Variants in SMCHD1 observed in about 807,000 individuals in gnomAD.
SMCHD1 encodes structural maintenance of chromosomes flexible hinge domain-containing protein 1.
In SMCHD1, 78 loss-of-function variants were observed where a neutral mutation model predicts 254.7. The observed-to-expected ratio is 0.31, with a 90% CI of 0.26 to 0.37. SMCHD1 has a LOEUF of 0.37. Ranked by LOEUF, SMCHD1 falls within the 10% of genes least tolerant of loss-of-function variation. The pLI is 1.00. For missense variants in SMCHD1, 1,840 were observed against 2,408.1 expected (o/e 0.76, Z 4.94); for synonymous variants, 766 against 794.9 (o/e 0.96, Z 0.61).
At chr18:2,666,848 T>G (rs375852278) in intron 2 of SMCHD1, 22 bp from the exon 3 acceptor site, 3 of 1,594,116 alleles carry the variant, frequency 1.9e-6, no homozygotes, top group Non-Finnish European at 1.7e-6. Context: ...CTAGCACTTA[T>G]GATTTTCACT....
intron 44 of SMCHD1, among the ~76,000 whole-genome samples, chr18:2,780,267 G>A (rs72866576): frequency 0.021 from 2,199 of 102,448 alleles, 79 homozygotes; most frequent in East Asian, 0.16. Context: ...AAAAAAAAAA[G>A]GCAATAATAA....
chr18:2,794,289 GC>G (rs2143853744), intron 45 of SMCHD1, among the ~76,000 whole-genome samples: 1 of 152,108 alleles, frequency 6.6e-6, no homozygotes, highest in Non-Finnish European at 1.5e-5. Context: ...GCTCACCTTG[GC>G]CTCCCAAAGG....
At chr18:2,796,178 C>T in intron 46 of SMCHD1, 71 bp downstream of exon 46, 1 of 1,289,770 alleles carries the variant, frequency 7.8e-7, no homozygotes, top group Non-Finnish European at 1.0e-6. Context: ...AGAGAGAATC[C>T]AACCGTAAGA....
chr18:2,659,791 C>T (rs1410351821), intron 1 of SMCHD1, among the ~76,000 whole-genome samples: 1 of 130,198 alleles, frequency 7.7e-6, no homozygotes. Flanking sequence ...AAGCAGAAAA[C>T]TATGGCTTAG....
chr18:2,723,300 T>C (rs2074964036), intron 20 of SMCHD1, among the ~76,000 whole-genome samples: 1 of 152,138 alleles, frequency 6.6e-6, no homozygotes, highest in Non-Finnish European at 1.5e-5. Flanking sequence ...CCTCTACAGA[T>C]ACTCTGTTGT....
At chr18:2,689,612 A>G (rs1033801288) in intron 7 of SMCHD1, among the ~76,000 whole-genome samples, 4 of 152,086 alleles carry the variant, frequency 2.6e-5, no homozygotes, top group African/African-American at 9.7e-5. Context: ...CCTCTGGACT[A>G]GAGTGTAGTG....
intron 25 of SMCHD1, among the ~76,000 whole-genome samples, chr18:2,733,621 C>T (rs1382197656): frequency 6.6e-6 from 1 of 152,096 alleles, no homozygotes; most frequent in Non-Finnish European, 1.5e-5. Flanking sequence ...TCTATGTTGA[C>T]CTAGTTTTTT....
At chr18:2,681,417 A>AG (rs2073922650) in intron 5 of SMCHD1, among the ~76,000 whole-genome samples, 1 of 146,436 alleles carries the variant, frequency 6.8e-6, no homozygotes, top group Non-Finnish European at 1.5e-5. Flanking sequence ...CATCTCAAAA[A>AG]AAAAAAAAAA....
At chr18:2,788,799 T>C (rs1219982754) in intron 45 of SMCHD1, among the ~76,000 whole-genome samples, 1 of 152,114 alleles carries the variant, frequency 6.6e-6, no homozygotes, top group Admixed American at 6.6e-5. Context: ...GGTTTCACCA[T>C]GTTGGCCGGG....
intron 17 of SMCHD1, among the ~76,000 whole-genome samples, chr18:2,711,871 T>C (rs1171213029): frequency 1.3e-5 from 2 of 152,172 alleles, no homozygotes; most frequent in South Asian, 2.1e-4. Flanking sequence ...AAGGGCTTAT[T>C]GTGTGAGTTC....
At position 2,772,324 on chromosome 18, in the gene SMCHD1, G is replaced by A. The variant is rs371834462; in HGVS notation, c.5127G>A (p.Ser1709=). The A allele has an allele frequency of 2.4e-5, 39 of 1,606,524 alleles. No homozygotes were observed. Among genetic ancestry groups the A allele is most frequent in the Non-Finnish European group, 3.1e-5 (36 of 1,177,102 alleles). The change falls in exon 41 of 48, where the codon TCG becomes TCA. Residue 1709 remains serine, a synonymous_variant. Transcript: ENST00000320876. ...QEELKKKPRR[S]CTLPNYTKGS... ...AACTGAAGAAAAAACCTAGAAGATC[G>A]TGTACTCTTCCAAACTATACTAAAG... is the stretch of plus-strand genomic sequence containing the variant.
chr18:2,753,354 C>T (rs1022248938), intron 34 of SMCHD1, among the ~76,000 whole-genome samples: 1 of 152,208 alleles, frequency 6.6e-6, no homozygotes, highest in East Asian at 1.9e-4. Context: ...GAACACACTA[C>T]TATTTTCCAT....
chr18:2,707,754 G>C, intron 16 of SMCHD1, 53 bp from the exon 17 acceptor site: 1 of 1,524,732 alleles, frequency 6.6e-7, no homozygotes, highest in South Asian at 1.2e-5. Flanking sequence ...AGATTTGGCA[G>C]ATTCAGCAAA....
chr18:2,674,080 T>A lies in SMCHD1; in HGVS notation c.573T>A (p.Ser191=), dbSNP rs1208530979. 6.2e-7 allele frequency: 1 copy of A among 1,604,756 alleles called. No individual in the cohort carries two copies. Among genetic ancestry groups the A allele is most frequent in the East Asian group, 2.2e-5 (1 of 44,786 alleles). The change falls in exon 5 of 48, where the codon TCT becomes TCA. Residue 191 remains serine (S), a synonymous_variant. Coordinates refer to ENST00000320876, the MANE Select transcript of SMCHD1 (RefSeq NM_015295.3). ...TAGATAATGGAAGAGGAATGACCTC[T>A]AAACAGCTTAACAACTGGGCCGTGT... ...AVIDNGRGMT[S]KQLNNWAVYR... is the part of the protein sequence containing the mutation.
At chr18:2,682,050 C>T (rs1192031035) in intron 5 of SMCHD1, among the ~76,000 whole-genome samples, 1 of 152,170 alleles carries the variant, frequency 6.6e-6, no homozygotes. Flanking sequence ...ACGTTTGTAA[C>T]ATCTAAGCAC....
rs528234259 is a variant in SMCHD1 at position 2,728,947 on chromosome 18, T to C, written c.2914-328T>C. 1.1e-3 allele frequency: 105 copies of C among 95,222 alleles called. No individual in the cohort carries two copies. The Admixed American group carries it at 0.016, about 14-fold the overall frequency. 5.9% of individuals were successfully genotyped at this position (95,222 alleles called of 1,614,324 possible). ...GTAGCCATTCTTTATTCCTTTACTT[T>C]AGGGAAAAAAAAAAAAAGGGAATGA... On this transcript the variant is annotated intron_variant, in intron 23 of 47. Transcript: ENST00000320876.
intron 44 of SMCHD1, 59 bp from the exon 45 acceptor site, chr18:2,784,391 C>T: frequency 2.9e-6 from 4 of 1,378,688 alleles, no homozygotes; most frequent in South Asian, 1.4e-5. Flanking sequence ...ATTATTTCTC[C>T]TTTTTTGGAG....
At chr18:2,728,415 TTGAAACCTGAATA>T in intron 22 of SMCHD1, 29 bp from the exon 23 acceptor site, 1 of 1,593,550 alleles carries the variant, frequency 6.3e-7, no homozygotes. Context: ...ACTTTAGTCT[TTGAAACCTGAATA>T]TGTATTTCAT....
rs759534379 is a variant in SMCHD1 at position 2,705,644 on chromosome 18, C to A, written c.1843-50C>A. The A allele has an allele frequency of 3.8e-5, 34 of 885,110 alleles. 2 individuals carry two copies. The South Asian group carries it at 5.3e-4, about 14-fold the overall frequency. 54.8% of individuals were successfully genotyped at this position (885,110 alleles called of 1,614,324 possible). A position where few individuals can be genotyped will look rare whatever the true frequency, so the allele number is the denominator to read the frequency against. On this transcript the variant is annotated intron_variant, in intron 13 of 47. Coordinates refer to ENST00000320876, the MANE Select transcript of SMCHD1 (RefSeq NM_015295.3). ...AATTATTATTAAGCCTTTTTCTCTT[C>A]GTAAATCTTAATACTGAAGCTTTTT...
Sources: allele counts gnomAD v4.1 joint callset (sites outside exome capture counted in the v4.1 genomes callset), GRCh38; gene constraint gnomAD v4.1.1; transcripts MANE v1.5; gene names NCBI Gene and HGNC (gene_info 2026-07-23, HGNC 2026-07-21).